Variants in TCERG1L observed in about 807,000 individuals in gnomAD.
TCERG1L encodes transcription elongation regulator 1-like protein.
In TCERG1L, 37 loss-of-function variants were observed where a neutral mutation model predicts 56.3. The ratio of observed to expected loss-of-function variants is 0.66; its 90% confidence interval spans 0.51 to 0.87. The LOEUF (loss-of-function observed/expected upper bound fraction) is 0.87, where lower values mean the gene tolerates loss of function less well. TCERG1L is among the 40% of genes least tolerant of loss of function. The pLI is 0.00. For synonymous variants in TCERG1L, 324 were observed against 326.3 expected (o/e 0.99, Z 0.08); for missense variants, 799 against 774.2 (o/e 1.03, Z -0.38).
intron 4 of TCERG1L, among the ~76,000 whole-genome samples, chr10:131,174,961 A>ACCCCTGTTACCTGAACCCACCCCTC (rs1846132396): frequency 6.7e-6 from 1 of 149,414 alleles, no homozygotes; most frequent in Non-Finnish European, 1.5e-5. Flanking sequence ...ACCCACCCCA[A>ACCCCTGTTACCTGAACCCACCCCTC]TAATGGGACC....
intron 7 of TCERG1L, among the ~76,000 whole-genome samples, chr10:131,139,017 C>T (rs1278136668): frequency 4.6e-5 from 7 of 152,158 alleles, no homozygotes; most frequent in African/African-American, 1.7e-4. Context: ...AACAAATGGC[C>T]AGCAAACCTG....
chr10:131,145,183 A>C (rs2133413592), intron 7 of TCERG1L, among the ~76,000 whole-genome samples: 1 of 152,340 alleles, frequency 6.6e-6, no homozygotes, highest in South Asian at 2.1e-4. Context: ...CTGTGCCTTA[A>C]TGTTTCCCGT....
chr10:131,163,127 G>T lies in TCERG1L; in HGVS notation c.1029C>A (p.Ser343=). Residue 343 remains serine, a synonymous_variant, in exon 6 of 12, where the codon TCC becomes TCA. Transcript: ENST00000368642. ...RPVASTPVPG[S]PWCVVWTGDD... ...CAGGCTTTGGGGTGTCTTACCAGGG[G>T]GATCCGGGCACCGGGGTGGAGGCCA... is the stretch of plus-strand genomic sequence containing the variant. The T allele has an allele frequency of 1.9e-6, 3 of 1,574,090 alleles. No homozygotes were observed. Among genetic ancestry groups the T allele is most frequent in the Non-Finnish European group, 2.6e-6 (3 of 1,160,202 alleles).
At chr10:131,188,404 A>G (rs191368787) in intron 4 of TCERG1L, among the ~76,000 whole-genome samples, 3 of 152,324 alleles carry the variant, frequency 2.0e-5, no homozygotes, top group African/African-American at 4.8e-5. Flanking sequence ...CAATTACTCC[A>G]TCCACACTGG....
rs573982935 is a variant in TCERG1L, at chr10:131,244,477, GGCTAA to G, written c.856+15777_856+15781del. On this transcript the variant is annotated intron_variant, in intron 4 of 11. Coordinates refer to ENST00000368642, the MANE Select transcript of TCERG1L (RefSeq NM_174937.4). ...GGTGGGGAGGGGCCTCTCAGCAGCT[GGCTAA>G]GATTCTTTAAGGTGCGCTGGAAGAA... Among the ~76,000 whole-genome samples, 386 of 152,236 alleles carry G rather than the reference GGCTAA, an allele frequency of 2.5e-3. 1 individual carries two copies. The highest frequency in any genetic ancestry group is 4.5e-3 in the Non-Finnish European group (306 of 68,004).
intron 3 of TCERG1L, among the ~76,000 whole-genome samples, chr10:131,294,932 C>G (rs1249644634): frequency 6.6e-6 from 1 of 151,976 alleles, no homozygotes; most frequent in Admixed American, 6.6e-5. Flanking sequence ...ACCACTGAGG[C>G]CAGATAAACG....
intron 4 of TCERG1L, among the ~76,000 whole-genome samples, chr10:131,219,125 C>T (rs996755660): frequency 2.6e-5 from 4 of 152,100 alleles, no homozygotes; most frequent in Non-Finnish European, 5.9e-5. Flanking sequence ...CTGCAGGCTC[C>T]GTCCCGCAGT....
At chr10:131,299,513 A>G (rs1435571163) in intron 3 of TCERG1L, among the ~76,000 whole-genome samples, 1 of 152,062 alleles carries the variant, frequency 6.6e-6, no homozygotes, top group Non-Finnish European at 1.5e-5. Context: ...TTTCGAAGAT[A>G]TATCTTTCGA....
intron 3 of TCERG1L, among the ~76,000 whole-genome samples, chr10:131,282,119 G>C (rs376402318): frequency 8.2e-6 from 1 of 121,312 alleles, no homozygotes; most frequent in Non-Finnish European, 1.6e-5. Context: ...CTGGGCGAAA[G>C]AGCAAGACTC....
At chr10:131,142,960 G>T (rs912098345) in intron 7 of TCERG1L, among the ~76,000 whole-genome samples, 1 of 152,114 alleles carries the variant, frequency 6.6e-6, no homozygotes, top group African/African-American at 2.4e-5. Flanking sequence ...GAGTGGGAGC[G>T]GGAGGCAGAA....
Position 131,311,514 on chromosome 10 carries a change from C to A in TCERG1L, c.122G>T (p.Trp41Leu). The A allele has an allele frequency of 8.3e-7, 1 of 1,205,724 alleles. No individual in the cohort carries two copies. Among genetic ancestry groups the A allele is most frequent in the Non-Finnish European group, 1.0e-6 (1 of 968,124 alleles). 74.7% of individuals were successfully genotyped at this position (1,205,724 alleles called of 1,614,324 possible). A position where few individuals can be genotyped will look rare whatever the true frequency, so the allele number is the denominator to read the frequency against. ...AEPPPPPPWV[W>L]MVPGSAGLLR... Reference sequence around the variant, plus strand: ...CAGCCCGGCCGAGCCCGGCACCATCCAGACCCAGGGCGGCGGCGGCGGCGG... The same window carrying A: ...CAGCCCGGCCGAGCCCGGCACCATCAAGACCCAGGGCGGCGGCGGCGGCGG... The change falls in exon 1 of 12, where the codon TGG (tryptophan) becomes TTG (leucine). Residue 41 changes from tryptophan to leucine, a missense_variant. Physicochemically the swap from Trp to Leu is moderately conservative, Grantham distance 61 (BLOSUM62 -2). Transcript: ENST00000368642. The surrounding 1 kb of genome is among the most constrained non-coding windows in gnomAD (Gnocchi z 4.0).
At chr10:131,119,990 G>A (rs1845497260) in intron 8 of TCERG1L, among the ~76,000 whole-genome samples, 1 of 152,146 alleles carries the variant, frequency 6.6e-6, no homozygotes, top group Non-Finnish European at 1.5e-5. Context: ...TGAAATCTGG[G>A]CACCATAGCC....
At position 131,308,363 on chromosome 10, in the gene TCERG1L, T is replaced by C. The variant is rs147276972; in HGVS notation, c.518A>G (p.Asp173Gly). The C allele has an allele frequency of 1.2e-6, 2 of 1,613,604 alleles. No homozygotes were observed. The highest frequency in any genetic ancestry group is 1.7e-6 in the Non-Finnish European group (2 of 1,179,830). Residue 173 changes from aspartate to glycine, a missense_variant, in exon 3 of 12, where the codon GAC becomes GGC. Physicochemically the swap from Asp to Gly is moderately conservative, Grantham distance 94 (BLOSUM62 -1). Coordinates refer to ENST00000368642, the MANE Select transcript of TCERG1L (RefSeq NM_174937.4). Reference protein sequence around the residue: ...KIFFNNSFALDSTWIHPEESR... With the variant: ...KIFFNNSFALGSTWIHPEESR... ...CTCCTCAGGATGTATCCACGTTGAG[T>C]CCAGAGCAAAGGAATTATTAAAAAA...
At position 131,220,605 on chromosome 10, in the gene TCERG1L, C is replaced by T. The variant is rs922730587; in HGVS notation, c.856+39654G>A. The stretch of plus-strand genomic sequence containing the variant: ...GCATGGAGACCCCATGGGAGCCACC[C>T]TGTGCTCCTGCAGAGCTCTCAGAGC... On this transcript the variant is annotated intron_variant, in intron 4 of 11. Coordinates refer to ENST00000368642, the MANE Select transcript of TCERG1L (RefSeq NM_174937.4). 2.0e-5 allele frequency among the ~76,000 whole-genome samples: 3 copies of T among 147,984 alleles called. No individual in the cohort carries two copies. In the Admixed American group the frequency reaches 2.0e-4, roughly 10 times the overall value.
chr10:131,210,008 C>T (rs1013755502), intron 4 of TCERG1L, among the ~76,000 whole-genome samples: 5 of 152,092 alleles, frequency 3.3e-5, no homozygotes, highest in Non-Finnish European at 7.4e-5. Context: ...CCAGTCATAC[C>T]AAAAGAAGCA....
At chr10:131,309,850 A>AAAAAAC (rs1193598608) in intron 1 of TCERG1L, among the ~76,000 whole-genome samples, 2 of 150,132 alleles carry the variant, frequency 1.3e-5, no homozygotes, top group East Asian at 3.9e-4. Flanking sequence ...AAAAAAAAAA[A>AAAAAAC]AAAAAAAAAC....
chr10:131,293,147 G>A (rs1207161603), intron 3 of TCERG1L, among the ~76,000 whole-genome samples: 5 of 152,028 alleles, frequency 3.3e-5, no homozygotes, highest in East Asian at 1.9e-4. Flanking sequence ...CACTATGCCC[G>A]GTCTTATTTC....
chr10:131,207,143 C>A (rs1845541763), intron 4 of TCERG1L, among the ~76,000 whole-genome samples: 1 of 152,126 alleles, frequency 6.6e-6, no homozygotes, highest in Non-Finnish European at 1.5e-5. Flanking sequence ...GGGAGGTCCC[C>A]ACCCCAATCC....
chr10:131,097,200 C>CA lies in TCERG1L; in HGVS notation c.1604+1105dup, dbSNP rs1161006867. 7.0e-3 allele frequency among the ~76,000 whole-genome samples: 638 copies of CA among 90,790 alleles called. 5 individuals are homozygous for CA. Among genetic ancestry groups the CA allele is most frequent in the African/African-American group, 0.019 (427 of 22,626 alleles). The allele number at this position is 90,790 out of a possible 152,430, so 59.6% of individuals were successfully genotyped here. On this transcript the variant is annotated intron_variant, in intron 11 of 11. Coordinates refer to ENST00000368642, the MANE Select transcript of TCERG1L (RefSeq NM_174937.4). ...TGGGTGACACAGCGAGGGTCTGTCT[C>CA]AAAAAAAAAAAAAAAAAAAAAAGAA...
Sources: allele counts gnomAD v4.1 joint callset (sites outside exome capture counted in the v4.1 genomes callset), GRCh38; gene constraint gnomAD v4.1.1; non-coding constraint Gnocchi (gnomAD v3.1); transcripts MANE v1.5; gene names NCBI Gene and HGNC (gene_info 2026-07-23, HGNC 2026-07-21).